The following ENPP6 variants were observed in gnomAD, a reference collection of about 807,000 sequenced individuals.
ENPP6 encodes the protein glycerophosphocholine cholinephosphodiesterase ENPP6.
Under a neutral mutation model 42.0 loss-of-function variants are expected in ENPP6, and 32 were observed. That is an observed-to-expected ratio of 0.76 (90% CI 0.58 to 1.02). The LOEUF is 1.02. Among genes scored for constraint, ENPP6 ranks in the 50% least tolerant of loss-of-function variants. The probability of loss-of-function intolerance (pLI) is 0.00; values close to 1 mark genes in which losing one functional copy is unlikely to be tolerated. For missense variants in ENPP6, 552 were observed against 566.8 expected (o/e 0.97, Z 0.27); for synonymous variants, 213 against 216.0 (o/e 0.99, Z 0.12).
At chr4:184,200,894 G>T (rs991653247) in intron 1 of ENPP6, among the ~76,000 whole-genome samples, 1 of 152,208 alleles carries the variant, frequency 6.6e-6, no homozygotes, top group Non-Finnish European at 1.5e-5. Context: ...GCTCTTGAAG[G>T]TGCCCTGGGT....
At chr4:184,137,824 G>A (rs2111365304) in intron 2 of ENPP6, among the ~76,000 whole-genome samples, 1 of 152,282 alleles carries the variant, frequency 6.6e-6, no homozygotes, top group South Asian at 2.1e-4. Context: ...CATGTCTCTT[G>A]ACCTCTCAAC....
At chr4:184,119,598 G>A (rs1189101407) in intron 3 of ENPP6, among the ~76,000 whole-genome samples, 1 of 152,022 alleles carries the variant, frequency 6.6e-6, no homozygotes, top group East Asian at 1.9e-4. Flanking sequence ...TTATCTCCAA[G>A]CCTCCGTTTT....
intron 3 of ENPP6, among the ~76,000 whole-genome samples, chr4:184,119,092 T>C (rs1307023161): frequency 6.6e-6 from 1 of 152,252 alleles, no homozygotes. Flanking sequence ...TGGTGAGCAC[T>C]GTCTAATAAG....
chr4:184,136,941 C>T (rs1156567717), intron 2 of ENPP6, among the ~76,000 whole-genome samples: 1 of 152,212 alleles, frequency 6.6e-6, no homozygotes, highest in Non-Finnish European at 1.5e-5. Context: ...TTCACTATAT[C>T]CCGCATGTCT....
chr4:184,101,538 G>T (rs1736004930), intron 6 of ENPP6, among the ~76,000 whole-genome samples: 1 of 152,150 alleles, frequency 6.6e-6, no homozygotes, highest in Non-Finnish European at 1.5e-5. Context: ...GAGAGAGACA[G>T]CTGGAAGAGC....
At chr4:184,139,445 C>T (rs561706038) in intron 2 of ENPP6, among the ~76,000 whole-genome samples, 30 of 146,648 alleles carry the variant, frequency 2.0e-4, no homozygotes, top group Non-Finnish European at 3.3e-4. Flanking sequence ...CATGCTGGTG[C>T]GCTGCACCCA....
intron 6 of ENPP6, among the ~76,000 whole-genome samples, chr4:184,098,805 T>C (rs1735952406): frequency 6.6e-6 from 1 of 152,222 alleles, no homozygotes. Context: ...CTCATTCTTC[T>C]AAGACCTCGC....
chr4:184,136,806 T>C (rs1298213750), intron 2 of ENPP6, among the ~76,000 whole-genome samples: 3 of 152,228 alleles, frequency 2.0e-5, no homozygotes, highest in African/African-American at 7.2e-5. Flanking sequence ...TCCATGATGC[T>C]CTTTCCTGTT....
Position 184,211,403 on chromosome 4 carries a change from G to C in ENPP6, c.241+6176C>G, listed in dbSNP as rs559705136. 1.5e-3 allele frequency among the ~76,000 whole-genome samples: 227 copies of C among 152,096 alleles called. 1 individual carries two copies. The highest frequency in any genetic ancestry group is 5.2e-3 in the African/African-American group (216 of 41,508). ...AGACGCAATAAAAAATGATAAGGGGGATATCACCACCGATCCCACAGAAAT... is the reference window on the plus strand; with the variant it reads ...AGACGCAATAAAAAATGATAAGGGGCATATCACCACCGATCCCACAGAAAT... On this transcript the variant is annotated intron_variant, in intron 1 of 7. Transcript: ENST00000296741.
rs962522779 is a variant in ENPP6, at chr4:184,105,680, A to T, written c.993+6992T>A. ...GTTGTTATTGACCAAAATTTTTTTT[A>T]AAATCCCCATATTTTTATTATCTGC... On this transcript the variant is annotated intron_variant, in intron 6 of 7. Transcript: ENST00000296741. 5.1e-4 allele frequency among the ~76,000 whole-genome samples: 77 copies of T among 152,338 alleles called. 1 individual carries two copies. Among genetic ancestry groups the T allele is most frequent in the African/African-American group, 1.7e-3 (72 of 41,564 alleles).
At chr4:184,152,438 C>T (rs1326822866) in intron 2 of ENPP6, among the ~76,000 whole-genome samples, 2 of 152,080 alleles carry the variant, frequency 1.3e-5, no homozygotes, top group African/African-American at 4.8e-5. Flanking sequence ...CTGCCGCTGT[C>T]CTCAATCCAG....
intron 1 of ENPP6, among the ~76,000 whole-genome samples, chr4:184,169,556 T>C (rs1354942157): frequency 6.6e-6 from 1 of 152,168 alleles, no homozygotes; most frequent in African/African-American, 2.4e-5. Context: ...CCCTGGCTCC[T>C]CTCTCTGCCG....
rs202028890 is a variant in ENPP6 at position 184,131,201 on chromosome 4, C to T, written c.422-6929G>A. Among the ~76,000 whole-genome samples, 135 of 70,666 alleles carry T rather than the reference C, an allele frequency of 1.9e-3. 6 individuals are homozygous for T. Among genetic ancestry groups the T allele is most frequent in the Middle Eastern group, 7.2e-3 (1 of 138 alleles). 46.4% of individuals were successfully genotyped at this position (70,666 alleles called of 152,430 possible). On this transcript the variant is annotated intron_variant, in intron 2 of 7. Transcript: ENST00000296741. ...TCTTTCTTTCTTTCTTTCTTTCTTT[C>T]TTCTTTCTTTCTTTCTTTTTCTTTC...
In ENPP6 at chr4:184,184,957, G is replaced by A. The variant is rs756937492; in HGVS notation, c.242-31224C>T. 3.9e-5 allele frequency among the ~76,000 whole-genome samples: 6 copies of A among 152,216 alleles called. No individual in the cohort carries two copies. The highest frequency in any genetic ancestry group is 8.8e-5 in the Non-Finnish European group (6 of 68,034). ...AGGCTGCGAGACAGGAGGAATGGGA[G>A]GAGAGGAGCTGCGTCACATCTAATG... On this transcript the variant is annotated intron_variant, in intron 1 of 7. Transcript: ENST00000296741. This position sits in a 1 kb window ranked among gnomAD's most constrained non-coding sequence, Gnocchi z 4.7.
intron 1 of ENPP6, among the ~76,000 whole-genome samples, chr4:184,206,711 G>A (rs1006211066): frequency 2.6e-5 from 4 of 152,162 alleles, no homozygotes; most frequent in Non-Finnish European, 4.4e-5. Context: ...TTACTCTGCT[G>A]TTTTACCCCA....
intron 1 of ENPP6, among the ~76,000 whole-genome samples, chr4:184,161,389 T>C (rs2111084257): frequency 6.7e-6 from 1 of 150,326 alleles, no homozygotes; most frequent in South Asian, 2.1e-4. Context: ...ATAATAGATA[T>C]TGGCATGGAA....
At chr4:184,131,256 TTCTCTTCCTTCCTTCCTTCCTTC>T (rs1736622884) in intron 2 of ENPP6, among the ~76,000 whole-genome samples, 12 of 39,532 alleles carry the variant, frequency 3.0e-4, no homozygotes, top group African/African-American at 1.1e-3. Context: ...TTCTTTCTCT[TTCTCTTCCTTCCTTCCTTCCTTC>T]CTTCCTTCCT....
At chr4:184,160,956 G>A (rs1394459332) in intron 1 of ENPP6, among the ~76,000 whole-genome samples, 2 of 152,148 alleles carry the variant, frequency 1.3e-5, no homozygotes, top group East Asian at 1.9e-4. Context: ...TGAGGGCAAT[G>A]CAAAGAACTT....
intron 5 of ENPP6, among the ~76,000 whole-genome samples, chr4:184,113,920 T>TTTCTTTCTTTCTTTCTTTCTTTCC (rs1736262701): frequency 5.9e-5 from 8 of 136,502 alleles, no homozygotes; most frequent in Non-Finnish European, 1.1e-4. Context: ...TCTTTCTTTC[T>TTTCTTTCTTTCTTTCTTTCTTTCC]TTCTTTCTTT....
Sources: gnomAD v4.1 joint callset for allele counts (sites outside exome capture counted in the v4.1 genomes callset) on GRCh38, gnomAD v4.1.1 for gene constraint, Gnocchi (gnomAD v3.1) non-coding constraint, MANE v1.5 for transcripts, NCBI Gene and HGNC (gene_info 2026-07-23, HGNC 2026-07-21) for gene names.